The following DNAH10 variants were observed in gnomAD, a reference collection of about 807,000 sequenced individuals.
DNAH10 encodes the protein dynein axonemal heavy chain 10, also known as axonemal beta dynein heavy chain 10.
DNAH10 carries 348 observed loss-of-function variants against 506.6 expected under a neutral mutation model. The observed-to-expected ratio is 0.69, with a 90% CI of 0.63 to 0.75. The LOEUF (loss-of-function observed/expected upper bound fraction) is 0.75. Ranked by LOEUF, DNAH10 falls within the 30% of genes least tolerant of loss-of-function variation. The pLI is 0.00. For missense variants in DNAH10, 5,179 were observed against 5,787.1 expected, an observed-to-expected ratio of 0.89 and a Z score of 3.41; for synonymous variants, 2,059 against 2,198.6, an observed-to-expected ratio of 0.94 and a Z score of 1.78.
chr12:123,858,297 A>C (rs1489493948), intron 37 of DNAH10, among the ~76,000 whole-genome samples: 1 of 152,154 alleles, frequency 6.6e-6, no homozygotes, highest in Non-Finnish European at 1.5e-5. Flanking sequence ...CTGAGAGTGT[A>C]AATGCCCAGA....
At chr12:123,861,958 C>T (rs1246112432) in intron 39 of DNAH10, among the ~76,000 whole-genome samples, 2 of 152,154 alleles carry the variant, frequency 1.3e-5, no homozygotes, top group East Asian at 3.9e-4. Flanking sequence ...GTCAGGATTT[C>T]TTTATCTTTT....
chr12:123,788,137 C>A (rs1223602372), intron 10 of DNAH10, 135 bp downstream of exon 10: 4 of 1,035,316 alleles, frequency 3.9e-6, no homozygotes, highest in African/African-American at 1.6e-5. Context: ...AAGAAAGAAC[C>A]TACGGAATAT....
At chr12:123,827,447 G>A (rs924739026) in intron 25 of DNAH10, among the ~76,000 whole-genome samples, 7 of 152,220 alleles carry the variant, frequency 4.6e-5, no homozygotes, top group Non-Finnish European at 8.8e-5. Flanking sequence ...GGCTTGCCCC[G>A]TTTCAAGTGC....
Position 123,917,510 on chromosome 12 carries a change from C to T in DNAH10, c.11003-74C>T, listed in dbSNP as rs537589592. 35 of 1,448,612 alleles carry T rather than the reference C, an allele frequency of 2.4e-5. No homozygotes were observed. The highest frequency in any genetic ancestry group is 4.7e-4 in the Middle Eastern group (2 of 4,272). The allele number at this position is 1,448,612 out of a possible 1,614,324, so 89.7% of individuals were successfully genotyped here. A position where few individuals can be genotyped will look rare whatever the true frequency, so the allele number is the denominator to read the frequency against. On this transcript the variant is annotated intron_variant, in intron 63 of 78. Coordinates refer to ENST00000673944, the MANE Select transcript of DNAH10 (RefSeq NM_001372106.1). This position sits in a 1 kb window ranked among gnomAD's most constrained non-coding sequence, Gnocchi z 5.6. ...GCTGAGACCCGCGCTAAGCTTGTCC[C>T]GTCACAGCAGGGCAGCGGGAGAGAC...
At chr12:123,833,995 C>G (rs1960857947) in intron 27 of DNAH10, among the ~76,000 whole-genome samples, 1 of 152,060 alleles carries the variant, frequency 6.6e-6, no homozygotes, top group Non-Finnish European at 1.5e-5. Flanking sequence ...GCCTTTTTTT[C>G]CTCCCCAGAC....
rs768362574 is a variant in DNAH10, at chr12:123,873,577, T to C, written c.7805T>C (p.Phe2602Ser). The C allele has an allele frequency of 1.2e-6, 2 of 1,612,394 alleles. No homozygotes were observed. Among genetic ancestry groups the C allele is most frequent in the East Asian group, 4.5e-5 (2 of 44,828 alleles). Residue 2602 changes from phenylalanine to serine, a missense_variant, in exon 46 of 79, where the codon TTC (phenylalanine) becomes TCC (serine). By Grantham distance (155) the Phe-to-Ser change is radical (BLOSUM62 -2). Transcript: ENST00000673944. The part of the protein sequence containing the change: ...EETNIVLMVN[F>S]SSRTTSMDIQ... ...CTTCAGATTGTGTTAATGGTCAACTTCTCCTCCCGCACCACGTCCATGGAT... is the reference window on the plus strand; with the variant it reads ...CTTCAGATTGTGTTAATGGTCAACTCCTCCTCCCGCACCACGTCCATGGAT...
chr12:123,777,325 G>C (rs1179077550), intron 5 of DNAH10, among the ~76,000 whole-genome samples: 2 of 152,240 alleles, frequency 1.3e-5, no homozygotes, highest in Non-Finnish European at 2.9e-5. Context: ...CAGAAGCCAA[G>C]AGAAGACAAT....
intron 51 of DNAH10, among the ~76,000 whole-genome samples, chr12:123,882,861 A>G (rs1259931441): frequency 6.6e-5 from 10 of 150,498 alleles, no homozygotes; most frequent in Admixed American, 6.0e-4. Context: ...CATGCCCTTT[A>G]GTGATCACCA....
intron 5 of DNAH10, 83 bp downstream of exon 5, chr12:123,774,347 C>A: frequency 9.4e-7 from 1 of 1,058,332 alleles, no homozygotes; most frequent in Non-Finnish European, 1.4e-6. Flanking sequence ...AGGTAGCGGG[C>A]AGCTCTTCTG....
At chr12:123,772,655 G>T (rs1957297074) in intron 3 of DNAH10, among the ~76,000 whole-genome samples, 179 bp from the exon 4 acceptor site, 1 of 152,198 alleles carries the variant, frequency 6.6e-6, no homozygotes, top group Admixed American at 6.5e-5. Flanking sequence ...ACAGCTCAGA[G>T]TCTGGGTGCA....
intron 6 of DNAH10, 100 bp from the exon 7 acceptor site, chr12:123,783,007 G>A (rs896752054): frequency 1.9e-6 from 2 of 1,069,200 alleles, no homozygotes; most frequent in Admixed American, 1.9e-5. Flanking sequence ...TTATTATACT[G>A]ATGAAGCTTG....
At position 123,819,711 on chromosome 12, in the gene DNAH10, T is replaced by G. The variant is rs937546948; in HGVS notation, c.4000+461T>G. Among the ~76,000 whole-genome samples the G allele has an allele frequency of 1.0e-4, 15 of 147,450 alleles. No individual in the cohort carries two copies. In the East Asian group the frequency reaches 2.5e-3, roughly 25 times the overall value. The stretch of plus-strand genomic sequence containing the variant: ...AATACTAAAATTCTGTTTTTTTTTT[T>G]TTTTTTTTTTTGAGACAGAGTCTCG... On this transcript the variant is annotated intron_variant, in intron 23 of 78. Coordinates refer to ENST00000673944, the MANE Select transcript of DNAH10 (RefSeq NM_001372106.1).
At chr12:123,839,202 T>C (rs759594391) in intron 29 of DNAH10, among the ~76,000 whole-genome samples, 45 of 150,524 alleles carry the variant, frequency 3.0e-4, no homozygotes, top group Middle Eastern at 3.4e-3. Flanking sequence ...CCAAAACCTT[T>C]CTTTTTATAA....
At chr12:123,869,722 G>A (rs980917588) in intron 43 of DNAH10, among the ~76,000 whole-genome samples, 3 of 152,130 alleles carry the variant, frequency 2.0e-5, no homozygotes, top group Admixed American at 6.6e-5. Context: ...TCCTTCTCAG[G>A]CTCCTCGCTC....
At chr12:123,900,049 C>T (rs1953449250) in intron 56 of DNAH10, among the ~76,000 whole-genome samples, 2 of 152,228 alleles carry the variant, frequency 1.3e-5, no homozygotes, top group African/African-American at 2.4e-5. Flanking sequence ...CGCCTGCTCA[C>T]AGCATCACTT....
intron 52 of DNAH10, among the ~76,000 whole-genome samples, chr12:123,888,831 G>A (rs1478762188): frequency 1.3e-5 from 2 of 152,126 alleles, no homozygotes; most frequent in East Asian, 3.8e-4. Context: ...CCACTTTACC[G>A]TGTTGTTATC....
chr12:123,897,739 A>G (rs1953320115), intron 54 of DNAH10, 31 bp from the exon 55 acceptor site: 1 of 1,588,766 alleles, frequency 6.3e-7, no homozygotes, highest in African/African-American at 1.4e-5. Flanking sequence ...AAGAAAAAGA[A>G]AGAAAACATT....
At chr12:123,871,699 C>T (rs760829845) in intron 45 of DNAH10, 97 bp downstream of exon 45, 110 of 1,402,302 alleles carry the variant, frequency 7.8e-5, no homozygotes, top group Middle Eastern at 4.1e-4. Context: ...TCACAGTTTC[C>T]GTGGGTCGAG....
rs1566125849 is a variant in DNAH10 at position 123,931,958 on chromosome 12, T to A, written c.13146T>A (p.Val4382=). ...AELQRALAGE[V]GMSNELDDVA... Reference sequence around the variant, plus strand: ...CTAAATAGGCCTTGGCTGGAGAAGTTGGAATGAGCAATGAGTTAGATGATG... The same window carrying A: ...CTAAATAGGCCTTGGCTGGAGAAGTAGGAATGAGCAATGAGTTAGATGATG... Residue 4382 remains valine (V), a synonymous_variant, in exon 76 of 79, where the codon GTT becomes GTA. Transcript: ENST00000673944. 1 of 1,613,992 alleles carries A rather than the reference T, an allele frequency of 6.2e-7. No homozygotes were observed. The highest frequency in any genetic ancestry group is 1.1e-5 in the South Asian group (1 of 91,078).
Sources: allele counts gnomAD v4.1 joint callset (sites outside exome capture counted in the v4.1 genomes callset), GRCh38; gene constraint gnomAD v4.1.1; non-coding constraint Gnocchi (gnomAD v3.1); transcripts MANE v1.5; gene names NCBI Gene and HGNC (gene_info 2026-07-23, HGNC 2026-07-21).